Variants in KDM2B observed in about 807,000 individuals in gnomAD.
KDM2B encodes lysine demethylase 2B.
A neutral mutation model predicts 150.0 loss-of-function variants in KDM2B; 26 were observed. That is an observed-to-expected ratio of 0.17 (90% CI 0.13 to 0.24). The LOEUF is 0.24. KDM2B is among the 10% of genes least tolerant of loss of function. The pLI, the probability that KDM2B is intolerant of heterozygous loss-of-function variation, is 1.00. For synonymous variants in KDM2B, 734 were observed against 729.5 expected (o/e 1.01, Z -0.10); for missense variants, 1,265 against 1,816.9 (o/e 0.70, Z 5.52).
rs71453557 is a variant in KDM2B, at chr12:121,431,295, CTTTTTTTTTTTTTTTTT to C, written c.3830-843_3830-827del. ...TATAGGCGTGTGCCACCATGTGCAA[CTTTTTTTTTTTTTTTTT>C]TTTTTTTTTTGTAGTAAGTAGAAAC... On this transcript the variant is annotated intron_variant, in intron 22 of 22. Transcript: ENST00000377071. 1.3e-4 allele frequency among the ~76,000 whole-genome samples: 13 copies of C among 98,940 alleles called. No homozygotes were observed. In the Admixed American group the frequency reaches 1.4e-3, roughly 11 times the overall value. 64.9% of individuals were successfully genotyped at this position (98,940 alleles called of 152,430 possible). A position where few individuals can be genotyped will look rare whatever the true frequency, so the allele number is the denominator to read the frequency against.
chr12:121,423,522 G>C, the KDM2B span: 1 of 1,614,228 alleles, frequency 6.2e-7, no homozygotes, highest in Non-Finnish European at 8.5e-7. This position sits in a 1 kb window ranked among gnomAD's most constrained non-coding sequence, Gnocchi z 4.3. Flanking sequence ...GCATGAGTGA[G>C]TGTCCCATCT....
intron 12 of KDM2B, chr12:121,469,331 G>A (rs1555295480): frequency 9.2e-6 from 1 of 109,088 alleles, no homozygotes; most frequent in African/African-American, 3.6e-5. Context: ...AAGCTACCTT[G>A]ATGGCTGGGC....
At chr12:121,454,774 T>A (rs1877960917) in intron 12 of KDM2B, among the ~76,000 whole-genome samples, 1 of 152,154 alleles carries the variant, frequency 6.6e-6, no homozygotes, top group Non-Finnish European at 1.5e-5. Context: ...TTCATTTCAG[T>A]GACTTGTCAT....
intron 22 of KDM2B, among the ~76,000 whole-genome samples, chr12:121,436,320 A>G (rs1329418777): frequency 2.0e-5 from 3 of 152,006 alleles, no homozygotes; most frequent in Non-Finnish European, 2.9e-5. Flanking sequence ...AGGAGATCGA[A>G]ACCATCCTGG....
At chr12:121,490,916 A>C (rs2140279320) in intron 12 of KDM2B, among the ~76,000 whole-genome samples, 1 of 152,232 alleles carries the variant, frequency 6.6e-6, no homozygotes, top group South Asian at 2.1e-4. Flanking sequence ...CCCGACCCAG[A>C]TCAAATACCA....
chr12:121,487,845 G>A (rs994422346), intron 12 of KDM2B, among the ~76,000 whole-genome samples: 12 of 149,330 alleles, frequency 8.0e-5, no homozygotes, highest in Non-Finnish European at 1.3e-4. Flanking sequence ...ACGGTGTCGC[G>A]ATCTCGGCTC....
At chr12:121,545,169 T>C (rs1239801360) in intron 6 of KDM2B, among the ~76,000 whole-genome samples, 2 of 152,064 alleles carry the variant, frequency 1.3e-5, no homozygotes, top group East Asian at 3.9e-4. Flanking sequence ...CAGGGTGGGA[T>C]TTTTTTTACC....
rs1888367281 is a variant in KDM2B, at chr12:121,538,733, GAC to G, written c.684-4145_684-4144del. ...TTCAGATAAGCACAGGGAGGCTTGTGACTCAAGCCTCGAGTTCGGGTCCAGCC... is the reference window on the plus strand; with the variant it reads ...TTCAGATAAGCACAGGGAGGCTTGTGTCAAGCCTCGAGTTCGGGTCCAGCC... On this transcript the variant is annotated intron_variant, in intron 6 of 22. Coordinates refer to ENST00000377071, the MANE Select transcript of KDM2B (RefSeq NM_032590.5). Among the ~76,000 whole-genome samples the G allele has an allele frequency of 3.3e-5, 5 of 152,238 alleles. No individual in the cohort carries two copies. In the South Asian group the frequency reaches 1.0e-3, roughly 32 times the overall value.
At chr12:121,427,522 A>T (rs1442105530), downstream of KDM2B, among the ~76,000 whole-genome samples, 7 of 152,324 alleles carry the variant, frequency 4.6e-5, no homozygotes, top group African/African-American at 1.7e-4. Context: ...AGCCTGGACA[A>T]GAGCGAGACT....
intron 11 of KDM2B, among the ~76,000 whole-genome samples, chr12:121,498,182 A>G (rs1210633260): frequency 6.6e-6 from 1 of 152,192 alleles, no homozygotes; most frequent in African/African-American, 2.4e-5. Flanking sequence ...AAATACACTC[A>G]GGTTTAGCCA....
At chr12:121,498,361 A>C (rs1884189563) in intron 11 of KDM2B, among the ~76,000 whole-genome samples, 1 of 152,266 alleles carries the variant, frequency 6.6e-6, no homozygotes, top group Non-Finnish European at 1.5e-5. Context: ...CCTGTGACAA[A>C]CTGGAAAACA....
At chr12:121,557,428 CG>C (rs1209111645) in intron 4 of KDM2B, among the ~76,000 whole-genome samples, 2 of 151,836 alleles carry the variant, frequency 1.3e-5, no homozygotes, top group African/African-American at 4.8e-5. Context: ...TTAGTAGAGA[CG>C]GGGTTTCACC....
At chr12:121,564,045 G>T (rs1177942998) in intron 4 of KDM2B, among the ~76,000 whole-genome samples, 1 of 152,042 alleles carries the variant, frequency 6.6e-6, no homozygotes, top group East Asian at 1.9e-4. Flanking sequence ...AGACCAGGAG[G>T]TTGAGGCGGC....
intron 4 of KDM2B, among the ~76,000 whole-genome samples, chr12:121,551,468 C>T (rs989458500): frequency 2.0e-5 from 3 of 151,872 alleles, no homozygotes; most frequent in South Asian, 4.2e-4. Context: ...GCCTCAGCCT[C>T]CTGAATAGCT....
At chr12:121,494,341 A>AC (rs1244215717) in intron 12 of KDM2B, 5 of 456,556 alleles carry the variant, frequency 1.1e-5, no homozygotes, top group Non-Finnish European at 2.0e-5. Flanking sequence ...AGGTGTCAGC[A>AC]CCCCCCAGTT....
Position 121,518,627 on chromosome 12 carries a change from G to A in KDM2B, c.1047+2358C>T, listed in dbSNP as rs1330788998. ...TGCCAGTCGTCATGGGTGGGGGAAG[G>A]GACCTGGGCTCCTAAGGGAACCATG... On this transcript the variant is annotated intron_variant, in intron 9 of 22. Coordinates refer to ENST00000377071, the MANE Select transcript of KDM2B (RefSeq NM_032590.5). This position sits in a 1 kb window ranked among gnomAD's most constrained non-coding sequence, Gnocchi z 4.4. 6.6e-6 allele frequency among the ~76,000 whole-genome samples: 1 copy of A among 152,182 alleles called. No homozygotes were observed. Among genetic ancestry groups the A allele is most frequent in the African/African-American group, 2.4e-5 (1 of 41,444 alleles).
rs1405028980 is a variant in KDM2B at position 121,429,188 on chromosome 12, T to C, written c.*1100A>G. 5.2e-5 allele frequency: 8 copies of C among 152,670 alleles called. No individual in the cohort carries two copies. Among genetic ancestry groups the C allele is most frequent in the African/African-American group, 1.9e-4 (8 of 41,466 alleles). The allele number at this position is 152,670 out of a possible 1,614,324, so 9.5% of individuals were successfully genotyped here. A position where few individuals can be genotyped will look rare whatever the true frequency, so the allele number is the denominator to read the frequency against. ...CCTCAAAGTTCAAGAGTGGTTTTTT[T>C]TGTACAATTGTTTATACAAATTCAA... On this transcript the variant is annotated 3_prime_UTR_variant, in exon 23 of 23. Transcript: ENST00000377071.
At chr12:121,420,398 T>C in the KDM2B span, 1 of 1,553,662 alleles carries the variant, frequency 6.4e-7, no homozygotes, top group Non-Finnish European at 8.7e-7. Flanking sequence ...GACAGTGCCC[T>C]GTGGACATTC....
intron 8 of KDM2B, among the ~76,000 whole-genome samples, chr12:121,523,876 C>T (rs1886903543): frequency 6.6e-6 from 1 of 152,220 alleles, no homozygotes; most frequent in South Asian, 2.1e-4. Flanking sequence ...TCCCCAGCTT[C>T]CCATCCCACG....
Sources: gnomAD v4.1 joint callset for allele counts (sites outside exome capture counted in the v4.1 genomes callset) on GRCh38, gnomAD v4.1.1 for gene constraint, Gnocchi (gnomAD v3.1) non-coding constraint, MANE v1.5 for transcripts, NCBI Gene and HGNC (gene_info 2026-07-23, HGNC 2026-07-21) for gene names.